The following RRBP1 variants were observed in gnomAD, a reference collection of about 807,000 sequenced individuals.
RRBP1 encodes the protein ribosome-binding protein 1.
Under a neutral mutation model 165.2 loss-of-function variants are expected in RRBP1, and 94 were observed. That is an observed-to-expected ratio of 0.57 (90% confidence interval 0.48 to 0.68). The LOEUF is 0.68. Among genes scored for constraint, RRBP1 ranks in the 30% least tolerant of loss-of-function variants. The probability of loss-of-function intolerance (pLI) is 0.00; values close to 1 mark genes in which losing one functional copy is unlikely to be tolerated. For missense variants in RRBP1, 1,676 were observed against 1,763.0 expected (o/e 0.95, Z 0.88); for synonymous variants, 680 against 714.5 (o/e 0.95, Z 0.77).
At chr20:17,647,505 A>G (rs1232713045) in intron 3 of RRBP1, among the ~76,000 whole-genome samples, 6 of 152,152 alleles carry the variant, frequency 3.9e-5, no homozygotes, top group Non-Finnish European at 1.5e-5. Context: ...TTTGAGAAAA[A>G]GATTTCAGGA....
rs1052298378 is a variant in RRBP1, at chr20:17,659,781, C to T, written c.727G>A (p.Glu243Lys). The change falls in exon 3 of 25, where the codon GAG becomes AAG. Residue 243 changes from glutamate (E) to lysine (K), a missense_variant. This residue lies in a region of RRBP1 where 392 missense variants were observed against 382.5 expected (regional missense o/e 1.02). Coordinates refer to ENST00000377813, the MANE Select transcript of RRBP1 (RefSeq NM_001365613.2). ...EGTPNQGKKA[E>K]GTPNQGKKAE... The stretch of plus-strand genomic sequence containing the variant: ...TTTTTGCCTTGGTTTGGGGTTCCCT[C>T]TGCCTTTTTCCCTTGGTTTGGGGTT... 3.2e-6 allele frequency: 5 copies of T among 1,550,628 alleles called. No individual in the cohort carries two copies. The highest frequency in any genetic ancestry group is 2.4e-5 in the East Asian group (1 of 40,920).
intron 2 of RRBP1, among the ~76,000 whole-genome samples, chr20:17,674,629 G>A (rs117654924): frequency 3.1e-3 from 475 of 152,070 alleles, no homozygotes; most frequent in Non-Finnish European, 5.0e-3. Context: ...AGCTGGGCTT[G>A]GTGGTGGGCG....
chr20:17,631,393 A>C (rs1212200276), intron 8 of RRBP1, among the ~76,000 whole-genome samples: 3 of 152,248 alleles, frequency 2.0e-5, no homozygotes, highest in East Asian at 3.9e-4. Flanking sequence ...TGTTACTAAC[A>C]TTGATTAGAA....
At chr20:17,655,485 GAA>G (rs1448822886) in intron 3 of RRBP1, among the ~76,000 whole-genome samples, 2 of 152,206 alleles carry the variant, frequency 1.3e-5, no homozygotes, top group East Asian at 3.8e-4. Context: ...CTTCTCCAAT[GAA>G]AAGTCACATT....
intron 13 of RRBP1, among the ~76,000 whole-genome samples, chr20:17,624,147 C>T (rs897064581): frequency 2.0e-5 from 3 of 152,260 alleles, no homozygotes; most frequent in Admixed American, 6.5e-5. Flanking sequence ...GGGGCACCCC[C>T]ATCCCTCTCT....
At chr20:17,642,004 G>A (rs2036371795) in intron 4 of RRBP1, 85 bp from the exon 5 acceptor site, 1 of 1,442,614 alleles carries the variant, frequency 6.9e-7, no homozygotes. Flanking sequence ...AGAGGCCTGA[G>A]GGCTTGATGA....
At chr20:17,641,977 T>C (rs2036371314) in intron 4 of RRBP1, 58 bp from the exon 5 acceptor site, 1 of 1,571,400 alleles carries the variant, frequency 6.4e-7, no homozygotes, top group Non-Finnish European at 8.7e-7. Context: ...GCTCATCCCC[T>C]GACCCCGGAC....
rs1176733558 is a variant in RRBP1, at chr20:17,621,505, T to C, written c.3367A>G (p.Thr1123Ala). Residue 1123 changes from threonine (T) to alanine (A), a missense_variant, in exon 16 of 25, where the codon ACA becomes GCA. Physicochemically the swap from Thr to Ala is moderately conservative, Grantham distance 58. This residue lies in a region of RRBP1 where 1,184 missense variants were observed against 1,167.1 expected (regional missense o/e 1.01). Coordinates refer to ENST00000377813, the MANE Select transcript of RRBP1 (RefSeq NM_001365613.2). The part of the protein sequence containing the change: ...KLREAEETQS[T>A]LQAECDQYRS... Reference sequence around the variant, plus strand: ...TACTGGTCACACTCGGCCTGCAGTGTGCTCTGCGTCTCCTCGGCCTCCCTC... The same window carrying C: ...TACTGGTCACACTCGGCCTGCAGTGCGCTCTGCGTCTCCTCGGCCTCCCTC... The C allele has an allele frequency of 6.2e-7, 1 of 1,613,004 alleles. No homozygotes were observed.
intron 5 of RRBP1, among the ~76,000 whole-genome samples, chr20:17,637,609 G>A (rs3790321): frequency 2.0e-5 from 3 of 152,100 alleles, no homozygotes; most frequent in Non-Finnish European, 2.9e-5. Flanking sequence ...GAGGAAGTCC[G>A]TCCCCTCCCC....
At chr20:17,644,523 C>G (rs1296523027) in intron 3 of RRBP1, among the ~76,000 whole-genome samples, 1 of 152,220 alleles carries the variant, frequency 6.6e-6, no homozygotes, top group African/African-American at 2.4e-5. Context: ...CCTGCAGGTG[C>G]GTGTCTACTG....
At chr20:17,623,896 C>T (rs1408004250) in intron 13 of RRBP1, among the ~76,000 whole-genome samples, 1 of 151,674 alleles carries the variant, frequency 6.6e-6, no homozygotes, top group East Asian at 1.9e-4. Context: ...CACGCCACTG[C>T]ACTCCAGCCT....
chr20:17,617,197 A>C (rs997617878), intron 20 of RRBP1, among the ~76,000 whole-genome samples: 1 of 152,250 alleles, frequency 6.6e-6, no homozygotes, highest in Non-Finnish European at 1.5e-5. Flanking sequence ...TTTCTCCTTC[A>C]AGGATGCAGT....
chr20:17,668,905 GA>G (rs892600142), intron 2 of RRBP1, among the ~76,000 whole-genome samples: 1 of 152,120 alleles, frequency 6.6e-6, no homozygotes, highest in Non-Finnish European at 1.5e-5. Context: ...CCTACCTTGT[GA>G]ATGCACTACT....
chr20:17,648,560 A>C (rs374139065), intron 3 of RRBP1, among the ~76,000 whole-genome samples: 1 of 152,266 alleles, frequency 6.6e-6, no homozygotes, highest in Non-Finnish European at 1.5e-5. Context: ...AGCTCAGTAC[A>C]AATAATGTCA....
At position 17,660,497 on chromosome 20, in the gene RRBP1, T is replaced by TA; in HGVS notation, c.10dup (p.Tyr4LeufsTer36). 6.2e-7 allele frequency: 1 copy of TA among 1,612,766 alleles called. No homozygotes were observed. Among genetic ancestry groups the TA allele is most frequent in the Non-Finnish European group, 8.5e-7 (1 of 1,179,130 alleles). On this transcript the variant is annotated frameshift_variant, in exon 3 of 25. Transcript: ENST00000377813. LOFTEE classifies it high-confidence loss of function. ...CACAACCCCCAAGGTTTGAGTGTCG[T>TA]AAATATCCATCCTGGCTTGCTTTCC...
chr20:17,616,047 G>A (rs769859773), intron 21 of RRBP1, 38 bp from the exon 22 acceptor site: 5 of 1,573,460 alleles, frequency 3.2e-6, no homozygotes, highest in African/African-American at 1.3e-5. Flanking sequence ...GCAGCCCGGT[G>A]AGGAACCCTC....
intron 2 of RRBP1, among the ~76,000 whole-genome samples, chr20:17,666,341 TA>T (rs77772144): frequency 0.011 from 1,611 of 142,154 alleles, 6 homozygotes; most frequent in Admixed American, 0.013. Flanking sequence ...CCCTGTCTCT[TA>T]AAAAAAAAAA....
At position 17,625,544 on chromosome 20, in the gene RRBP1, C is replaced by T. The variant is rs138961940; in HGVS notation, c.3022G>A (p.Glu1008Lys). Residue 1008 changes from glutamate to lysine, a missense_variant, in exon 12 of 25, where the codon GAG (glutamate) becomes AAG (lysine). Physicochemically the swap from Glu to Lys is moderately conservative, Grantham distance 56. Around this residue, in one of 5 missense-constraint regions of RRBP1, gnomAD observed 1,184 missense variants for 1,167.1 expected, o/e 1.01. Transcript: ENST00000377813. ...GLEKEAIELREAVEQQKVKNN... is the reference protein window; with the variant it reads ...GLEKEAIELRKAVEQQKVKNN... ...TTCACTTTCTGCTGCTCGACGGCCTCCCTGAGCTCGATGGCCTCCTTCTCC... is the reference window on the plus strand; with the variant it reads ...TTCACTTTCTGCTGCTCGACGGCCTTCCTGAGCTCGATGGCCTCCTTCTCC... 129 of 1,613,946 alleles carry T rather than the reference C, an allele frequency of 8.0e-5. No homozygotes were observed. In the African/African-American group the frequency reaches 8.9e-4, roughly 11 times the overall value.
intron 23 of RRBP1, among the ~76,000 whole-genome samples, chr20:17,615,149 C>A (rs985710168): frequency 2.6e-5 from 4 of 152,244 alleles, no homozygotes; most frequent in Non-Finnish European, 5.9e-5. Context: ...AGGAGACACA[C>A]CTGACTACTG....
Sources: gnomAD v4.1 joint callset for allele counts (sites outside exome capture counted in the v4.1 genomes callset) on GRCh38, gnomAD v4.1.1 for gene constraint, gnomAD v4.1.1 regional missense constraint, MANE v1.5 for transcripts, NCBI Gene and HGNC (gene_info 2026-07-23, HGNC 2026-07-21) for gene names.